SLC71A2: variants seen among roughly 807,000 people sequenced by gnomAD.
SLC71A2 encodes solute carrier family 71 member 2.
chr9:94,435,016 C>CTGA, the SLC71A2 span, among the ~76,000 whole-genome samples: 1 of 152,192 alleles, frequency 6.6e-6, no homozygotes, highest in Non-Finnish European at 1.5e-5. Context: ...TATATCAGCA[C>CTGA]TGAAAACCCA....
the SLC71A2 span, among the ~76,000 whole-genome samples, chr9:94,441,606 C>T: frequency 3.3e-5 from 5 of 152,138 alleles, no homozygotes; most frequent in East Asian, 1.9e-4. Context: ...ATCTGATCCC[C>T]GGAGGAGCGT....
At chr9:94,427,546 C>T in the SLC71A2 span, among the ~76,000 whole-genome samples, 1 of 135,982 alleles carries the variant, frequency 7.4e-6, no homozygotes, top group Non-Finnish European at 1.5e-5. Flanking sequence ...AGGTTTGCAT[C>T]ATTTTCCATG....
the SLC71A2 span, among the ~76,000 whole-genome samples, chr9:94,410,013 T>C: frequency 2.7e-5 from 4 of 148,134 alleles, no homozygotes; most frequent in African/African-American, 1.0e-4. Context: ...AAATGGGTAT[T>C]GAAGTCTCCA....
At chr9:94,457,088 C>T in the SLC71A2 span, among the ~76,000 whole-genome samples, 1 of 152,016 alleles carries the variant, frequency 6.6e-6, no homozygotes, top group Non-Finnish European at 1.5e-5. Flanking sequence ...AGTCACCCTC[C>T]CAAGTACCAG....
chr9:94,449,617 C>A, the SLC71A2 span, among the ~76,000 whole-genome samples: 1 of 152,210 alleles, frequency 6.6e-6, no homozygotes, highest in South Asian at 2.1e-4. Context: ...CTCATACTTG[C>A]TGGTGAGAAT....
the SLC71A2 span, among the ~76,000 whole-genome samples, chr9:94,455,092 T>C: frequency 6.6e-6 from 1 of 151,432 alleles, no homozygotes; most frequent in Non-Finnish European, 1.5e-5. Flanking sequence ...CATGTTTAGT[T>C]TGGGGAGTAA....
At chr9:94,402,401 G>GT in the SLC71A2 span, among the ~76,000 whole-genome samples, 24,950 of 151,886 alleles carry the variant, frequency 0.16, 2,360 homozygotes, top group African/African-American at 0.26. Context: ...ATACAGTTTG[G>GT]TTTTTTTAAT....
chr9:94,458,115 ATTTTATATG>A, the SLC71A2 span, among the ~76,000 whole-genome samples: 1 of 152,170 alleles, frequency 6.6e-6, no homozygotes, highest in Non-Finnish European at 1.5e-5. Context: ...TGTTTTTATG[ATTTTATATG>A]TTTTATATGG....
the SLC71A2 span, among the ~76,000 whole-genome samples, chr9:94,402,832 T>C: frequency 6.6e-6 from 1 of 152,250 alleles, no homozygotes; most frequent in Non-Finnish European, 1.5e-5. Flanking sequence ...GCTAATAGTT[T>C]TGCATTTTAT....
chr9:94,403,883 C>T, the SLC71A2 span, among the ~76,000 whole-genome samples: 1 of 152,084 alleles, frequency 6.6e-6, no homozygotes, highest in Non-Finnish European at 1.5e-5. Context: ...AATGTGTCTC[C>T]CAAAATTCAT....
At chr9:94,412,215 G>A in the SLC71A2 span, among the ~76,000 whole-genome samples, 1 of 152,070 alleles carries the variant, frequency 6.6e-6, no homozygotes, top group East Asian at 1.9e-4. Context: ...CAGTGAACTG[G>A]TTCATATTTC....
At chr9:94,375,694 A>G in the SLC71A2 span, among the ~76,000 whole-genome samples, 1 of 151,964 alleles carries the variant, frequency 6.6e-6, no homozygotes, top group Non-Finnish European at 1.5e-5. Flanking sequence ...ACAATGGGAA[A>G]GTTTTTCCAA....
At chr9:94,411,520 G>C in the SLC71A2 span, among the ~76,000 whole-genome samples, 2 of 151,894 alleles carry the variant, frequency 1.3e-5, no homozygotes, top group African/African-American at 4.8e-5. Context: ...TCATGGCCTA[G>C]ATTCACTATT....
chr9:94,412,289 T>G, the SLC71A2 span, among the ~76,000 whole-genome samples: 1 of 152,206 alleles, frequency 6.6e-6, no homozygotes, highest in Non-Finnish European at 1.5e-5. Flanking sequence ...TTTTATATGT[T>G]AGAGATAGTT....
chr9:94,456,813 G>A, the SLC71A2 span, among the ~76,000 whole-genome samples: 3 of 152,184 alleles, frequency 2.0e-5, no homozygotes, highest in African/African-American at 7.2e-5. Flanking sequence ...TAGATGTTGA[G>A]TGAGAGATGA....
At chr9:94,442,588 C>T in the SLC71A2 span, among the ~76,000 whole-genome samples, 3,436 of 152,196 alleles carry the variant, frequency 0.023, 133 homozygotes, top group African/African-American at 0.078. Flanking sequence ...CGGTGGCTCA[C>T]GCCTGTAATC....
At chr9:94,394,298 C>A in the SLC71A2 span, among the ~76,000 whole-genome samples, 1 of 97,670 alleles carries the variant, frequency 1.0e-5, no homozygotes, top group Non-Finnish European at 2.3e-5. Flanking sequence ...GGAGAGATAA[C>A]CAGTAAAATT....
At chr9:94,385,519 C>A in the SLC71A2 span, among the ~76,000 whole-genome samples, 1 of 151,980 alleles carries the variant, frequency 6.6e-6, no homozygotes, top group African/African-American at 2.4e-5. Context: ...ATGTGTAGGC[C>A]ATTAATCCCT....
the SLC71A2 span, among the ~76,000 whole-genome samples, chr9:94,408,831 G>GTTT: frequency 2.7e-4 from 27 of 99,820 alleles, no homozygotes; most frequent in Admixed American, 2.0e-3. Flanking sequence ...TTTTTTGTTT[G>GTTT]TTTGTTTTTT....
Sources: allele counts gnomAD v4.1 joint callset (sites outside exome capture counted in the v4.1 genomes callset), GRCh38; gene constraint gnomAD v4.1.1; transcripts MANE v1.5; gene names NCBI Gene and HGNC (gene_info 2026-07-23, HGNC 2026-07-21).